Variants in GFRA1 observed in about 807,000 individuals in gnomAD.
The protein encoded by GFRA1 is GDNF family receptor alpha 1.
GFRA1 carries 16 observed loss-of-function variants against 51.6 expected under a neutral mutation model. That is an observed-to-expected ratio of 0.31 (90% CI 0.21 to 0.47). The LOEUF is 0.47. GFRA1 is among the 20% of genes least tolerant of loss of function. The pLI is 1.00. For synonymous variants in GFRA1, 270 were observed against 241.3 expected (o/e 1.12, Z -1.10); for missense variants, 530 against 594.3 (o/e 0.89, Z 1.13).
intron 5 of GFRA1, among the ~76,000 whole-genome samples, chr10:116,204,297 T>A (rs954174394): frequency 1.2e-4 from 18 of 152,152 alleles, no homozygotes; most frequent in African/African-American, 4.1e-4. Context: ...CATGCTTAAT[T>A]TAATATTTAT....
intron 5 of GFRA1, among the ~76,000 whole-genome samples, chr10:116,157,801 T>C (rs1207075558): frequency 6.6e-6 from 1 of 152,168 alleles, no homozygotes; most frequent in Non-Finnish European, 1.5e-5. Flanking sequence ...CTGTATACAA[T>C]GAATGACAGC....
At position 116,272,264 on chromosome 10, in the gene GFRA1, G is replaced by C. The variant is rs531459242; in HGVS notation, c.-235C>G. The C allele has an allele frequency of 8.2e-5, 49 of 595,266 alleles. No homozygotes were observed. The highest frequency in any genetic ancestry group is 7.6e-4 in the African/African-American group (41 of 53,794). The allele number at this position is 595,266 out of a possible 1,614,324, so 36.9% of individuals were successfully genotyped here. A position where few individuals can be genotyped will look rare whatever the true frequency, so the allele number is the denominator to read the frequency against. ...GGCGGTTCCGCTTTTAGGGGTTCAGGTCCGACCCAACCTGGAAGGGAGGGC... is the reference window on the plus strand; with the variant it reads ...GGCGGTTCCGCTTTTAGGGGTTCAGCTCCGACCCAACCTGGAAGGGAGGGC... On this transcript the variant is annotated 5_prime_UTR_variant, in exon 2 of 11. Transcript: ENST00000355422. This position sits in a 1 kb window ranked among gnomAD's most constrained non-coding sequence, Gnocchi z 4.4.
intron 5 of GFRA1, among the ~76,000 whole-genome samples, chr10:116,155,927 C>T (rs1482033978): frequency 1.3e-5 from 2 of 152,218 alleles, no homozygotes; most frequent in Admixed American, 6.5e-5. Flanking sequence ...CTCTCCAGCA[C>T]ACCCACCAAA....
intron 5 of GFRA1, among the ~76,000 whole-genome samples, chr10:116,190,777 CCCTT>C (rs1313484298): frequency 6.6e-6 from 1 of 152,224 alleles, no homozygotes; most frequent in African/African-American, 2.4e-5. Flanking sequence ...GGAAACAAAG[CCCTT>C]CCTTTTCTCT....
intron 4 of GFRA1, among the ~76,000 whole-genome samples, chr10:116,213,796 C>A (rs571419173): frequency 6.6e-6 from 1 of 152,256 alleles, no homozygotes; most frequent in East Asian, 1.9e-4. Context: ...CACAGGGAGT[C>A]GTTCATACTC....
intron 4 of GFRA1, among the ~76,000 whole-genome samples, chr10:116,221,624 T>G (rs1348058282): frequency 1.3e-5 from 2 of 152,126 alleles, no homozygotes; most frequent in Non-Finnish European, 2.9e-5. Flanking sequence ...GTGGTTTCAC[T>G]GTGTTGGCCA....
At chr10:116,146,695 C>T (rs1448263370) in intron 5 of GFRA1, among the ~76,000 whole-genome samples, 1 of 152,126 alleles carries the variant, frequency 6.6e-6, no homozygotes, top group Non-Finnish European at 1.5e-5. Flanking sequence ...AAACCAAAGC[C>T]AAATGTATCC....
At chr10:116,102,888 AC>A (rs1956870800) in intron 6 of GFRA1, among the ~76,000 whole-genome samples, 1 of 152,146 alleles carries the variant, frequency 6.6e-6, no homozygotes, top group African/African-American at 2.4e-5. Flanking sequence ...TTATCAATCT[AC>A]TTGTATAAGT....
At chr10:116,182,354 T>C (rs932598331) in intron 5 of GFRA1, among the ~76,000 whole-genome samples, 3 of 152,220 alleles carry the variant, frequency 2.0e-5, no homozygotes, top group Admixed American at 2.0e-4. Flanking sequence ...ATTGCATATT[T>C]AGTTAAGAGC....
Position 116,269,541 on chromosome 10 carries a change from C to A in GFRA1, c.380G>T (p.Arg127Ile). 1 of 1,608,850 alleles carries A rather than the reference C, an allele frequency of 6.2e-7. No homozygotes were observed. Among genetic ancestry groups the A allele is most frequent in the Non-Finnish European group, 8.5e-7 (1 of 1,175,164 alleles). Reference sequence around the variant, plus strand: ...GACCACCCGGAATATATCTGACAATCTGCTGTTAACTGGTTCATATGGGGA... The same window carrying A: ...GACCACCCGGAATATATCTGACAATATGCTGTTAACTGGTTCATATGGGGA... ...EDSPYEPVNS[R>I]LSDIFRVVPF... The change falls in exon 4 of 11, where the codon AGA becomes ATA. Residue 127 changes from arginine to isoleucine, a missense_variant. Transcript: ENST00000355422.
chr10:116,089,169 C>T (rs78337864), intron 9 of GFRA1, among the ~76,000 whole-genome samples: 1 of 152,122 alleles, frequency 6.6e-6, no homozygotes, highest in Admixed American at 6.5e-5. Context: ...TATCCACATG[C>T]GGGGGTTTGC....
chr10:116,130,452 G>C (rs550028410), intron 5 of GFRA1, among the ~76,000 whole-genome samples: 6 of 152,022 alleles, frequency 3.9e-5, no homozygotes, highest in Non-Finnish European at 7.4e-5. Context: ...AATAACTAAA[G>C]CAACTGGAAC....
Position 116,061,261 on chromosome 10 carries a change from A to G in GFRA1, c.*3137T>C, listed in dbSNP as rs78025433. ...AAAAGTCTGTTAAAAAAAAAAAAAA[A>G]GAAATGGAAACCACACTCCTATCAC... On this transcript the variant is annotated 3_prime_UTR_variant, in exon 11 of 11. Transcript: ENST00000355422. 1 of 151,254 alleles carries G rather than the reference A, an allele frequency of 6.6e-6. No individual in the cohort carries two copies. The highest frequency in any genetic ancestry group is 2.1e-4 in the South Asian group (1 of 4,786). 9.4% of individuals were successfully genotyped at this position (151,254 alleles called of 1,614,324 possible). A position where few individuals can be genotyped will look rare whatever the true frequency, so the allele number is the denominator to read the frequency against.
chr10:116,203,140 A>T (rs934206983), intron 5 of GFRA1, among the ~76,000 whole-genome samples: 2 of 152,200 alleles, frequency 1.3e-5, no homozygotes, highest in Non-Finnish European at 2.9e-5. Context: ...GGCCACACCC[A>T]GCCATCAGCA....
Position 116,125,415 on chromosome 10 carries a change from G to A in GFRA1, c.576C>T (p.Cys192=), listed in dbSNP as rs7914399. 1 of 1,614,230 alleles carries A rather than the reference G, an allele frequency of 6.2e-7. No individual in the cohort carries two copies. The highest frequency in any genetic ancestry group is 1.1e-5 in the South Asian group (1 of 91,080). Residue 192 remains cysteine, a synonymous_variant, in exon 6 of 11, where the codon TGC becomes TGT. Transcript: ENST00000355422. ...VSNDVCNRRK[C]HKALRQFFDK... ...CAAAGAACTGCCGGAGGGCCTTGTG[G>A]CACTTGCGGCGGTTGCAGACATCGT...
chr10:116,246,508 T>G (rs567669510), intron 4 of GFRA1, among the ~76,000 whole-genome samples: 1 of 152,246 alleles, frequency 6.6e-6, no homozygotes, highest in South Asian at 2.1e-4. Flanking sequence ...ATTTTTCTGT[T>G]GATTTAAAAC....
At chr10:116,096,064 AGCCTTGG>A (rs1176421206) in intron 7 of GFRA1, among the ~76,000 whole-genome samples, 1 of 152,126 alleles carries the variant, frequency 6.6e-6, no homozygotes. Context: ...GTTCTTCTAA[AGCCTTGG>A]GTCTTGAAAG....
chr10:116,092,709 A>G (rs1323958302), intron 8 of GFRA1, among the ~76,000 whole-genome samples: 1 of 152,228 alleles, frequency 6.6e-6, no homozygotes, highest in Non-Finnish European at 1.5e-5. Context: ...TATGTGAATT[A>G]CCAGGCTTTA....
chr10:116,230,349 A>C (rs1166457617), intron 4 of GFRA1, among the ~76,000 whole-genome samples: 1 of 152,228 alleles, frequency 6.6e-6, no homozygotes, highest in African/African-American at 2.4e-5. Flanking sequence ...TGACGCTGAC[A>C]ACTTGTTCAA....
Sources: gnomAD v4.1 joint callset for allele counts (sites outside exome capture counted in the v4.1 genomes callset) on GRCh38, gnomAD v4.1.1 for gene constraint, Gnocchi (gnomAD v3.1) non-coding constraint, MANE v1.5 for transcripts, NCBI Gene and HGNC (gene_info 2026-07-23, HGNC 2026-07-21) for gene names.